Variants in NPAS3 observed in about 807,000 individuals in gnomAD.
The protein encoded by NPAS3 is neuronal PAS domain protein 3, also known as neuronal PAS domain-containing protein 3.
A neutral mutation model predicts 73.1 loss-of-function variants in NPAS3; 14 were observed. The ratio of observed to expected loss-of-function variants is 0.19; its 90% CI spans 0.13 to 0.30. The LOEUF (loss-of-function observed/expected upper bound fraction) is 0.30. Ranked by LOEUF, NPAS3 falls within the 10% of genes least tolerant of loss-of-function variation. The pLI is 1.00. For missense variants in NPAS3, 1,096 were observed against 1,250.0 expected (o/e 0.88, Z 1.86); for synonymous variants, 620 against 541.5 (o/e 1.14, Z -2.01).
At chr14:33,656,351 A>G (rs2059146068) in intron 5 of NPAS3, among the ~76,000 whole-genome samples, 1 of 152,200 alleles carries the variant, frequency 6.6e-6, no homozygotes, top group African/African-American at 2.4e-5. Flanking sequence ...TATGCCAGTC[A>G]CATTATTCAT....
intron 4 of NPAS3, among the ~76,000 whole-genome samples, chr14:33,517,741 C>A (rs1032967076): frequency 1.3e-5 from 2 of 152,070 alleles, no homozygotes; most frequent in African/African-American, 2.4e-5. Context: ...ATTAAATCAC[C>A]GTTACATACT....
At chr14:33,451,729 T>C (rs1246085137) in intron 4 of NPAS3, among the ~76,000 whole-genome samples, 2 of 152,198 alleles carry the variant, frequency 1.3e-5, no homozygotes, top group East Asian at 1.9e-4. Flanking sequence ...CATTTTCTTG[T>C]GCCCATTTTC....
Position 33,769,387 on chromosome 14 carries a change from G to C in NPAS3, c.853-4950G>C, listed in dbSNP as rs78109764. 7.6e-4 allele frequency among the ~76,000 whole-genome samples: 116 copies of C among 152,312 alleles called. 2 individuals are homozygous for C. In the East Asian group the frequency reaches 0.02, roughly 27 times the overall value. On this transcript the variant is annotated intron_variant, in intron 7 of 11. Transcript: ENST00000356141. ...TCTTTGTCTCCACTGGTTACCATTT[G>C]GTTACCATTTACCATTTAGTCTATT... is the stretch of plus-strand genomic sequence containing the variant.
intron 2 of NPAS3, among the ~76,000 whole-genome samples, chr14:33,125,850 A>T (rs191681621): frequency 1.2e-4 from 18 of 152,204 alleles, no homozygotes; most frequent in Non-Finnish European, 4.4e-5. Context: ...TTTTAGATAG[A>T]CTAGTTACTT....
chr14:33,040,687 T>G (rs889387338), intron 1 of NPAS3, among the ~76,000 whole-genome samples: 1 of 152,202 alleles, frequency 6.6e-6, no homozygotes, highest in African/African-American at 2.4e-5. Context: ...CCCAAGGTTG[T>G]GTTCTTAACC....
intron 2 of NPAS3, among the ~76,000 whole-genome samples, chr14:33,191,959 T>C (rs1003545101): frequency 6.6e-6 from 1 of 152,240 alleles, no homozygotes; most frequent in African/African-American, 2.4e-5. Flanking sequence ...GATGTGTGTG[T>C]GGTTTTTTTA....
At chr14:32,957,905 G>A (rs899984715) in intron 1 of NPAS3, among the ~76,000 whole-genome samples, 1 of 152,040 alleles carries the variant, frequency 6.6e-6, no homozygotes, top group Non-Finnish European at 1.5e-5. Flanking sequence ...TTTTTAGGAT[G>A]GGACATTTTG....
rs193162784 is a variant in NPAS3, at chr14:33,498,284, C to T, written c.469-61837C>T. Among the ~76,000 whole-genome samples the T allele has an allele frequency of 9.2e-4, 140 of 152,198 alleles. 1 individual carries two copies. The highest frequency in any genetic ancestry group is 3.2e-3 in the African/African-American group (134 of 41,544). ...TCCACCATTGTGGAAGACAGTGTGGCGATTCTTCAAGGACCTAGAACCAGA... is the reference window on the plus strand; with the variant it reads ...TCCACCATTGTGGAAGACAGTGTGGTGATTCTTCAAGGACCTAGAACCAGA... On this transcript the variant is annotated intron_variant, in intron 4 of 11. Transcript: ENST00000356141.
At position 32,941,191 on chromosome 14, in the gene NPAS3, CCCCCT is replaced by C. The variant is rs1238837850; in HGVS notation, c.50+1841_50+1845del. Among the ~76,000 whole-genome samples, 8 of 94,224 alleles carry C rather than the reference CCCCCT, an allele frequency of 8.5e-5. 1 individual carries two copies. The highest frequency in any genetic ancestry group is 3.4e-4 in the African/African-American group (8 of 23,232). 61.8% of individuals were successfully genotyped at this position (94,224 alleles called of 152,430 possible). On this transcript the variant is annotated intron_variant, in intron 1 of 11. Coordinates refer to ENST00000356141, the Ensembl canonical transcript of NPAS3. ...TCTGAGGTTTATAATTGGTTTTCTT[CCCCCT>C]CCCCTCCCCTCCCCTTCCCTCCTCC...
chr14:33,514,874 G>A (rs1595065214), intron 4 of NPAS3, among the ~76,000 whole-genome samples: 1 of 152,142 alleles, frequency 6.6e-6, no homozygotes, highest in East Asian at 1.9e-4. Context: ...TAAATCATCT[G>A]TAGAAAATAC....
intron 6 of NPAS3, among the ~76,000 whole-genome samples, chr14:33,729,162 AT>A (rs2061343058): frequency 1.3e-5 from 2 of 152,086 alleles, no homozygotes; most frequent in Non-Finnish European, 2.9e-5. Flanking sequence ...TCTTTTGCAA[AT>A]TTCCCATTTT....
At chr14:33,609,187 T>C (rs987570493) in intron 5 of NPAS3, among the ~76,000 whole-genome samples, 1 of 152,220 alleles carries the variant, frequency 6.6e-6, no homozygotes, top group Non-Finnish European at 1.5e-5. Flanking sequence ...GTGCTTTTTC[T>C]GTCCGAATTT....
intron 4 of NPAS3, among the ~76,000 whole-genome samples, chr14:33,554,928 G>A (rs140745648): frequency 2.2e-4 from 34 of 152,312 alleles, no homozygotes; most frequent in East Asian, 2.1e-3. Context: ...ACTGTTAGAA[G>A]CATTCAGCTT....
At chr14:33,668,337 G>T (rs943303289) in intron 5 of NPAS3, among the ~76,000 whole-genome samples, 2 of 152,074 alleles carry the variant, frequency 1.3e-5, no homozygotes, top group Non-Finnish European at 2.9e-5. Flanking sequence ...GCATTTTATT[G>T]TTTATTATTA....
At chr14:33,399,322 A>AT (rs1045965193) in intron 4 of NPAS3, among the ~76,000 whole-genome samples, 15 of 151,358 alleles carry the variant, frequency 9.9e-5, no homozygotes, top group Non-Finnish European at 2.1e-4. Context: ...CAAAGTGATC[A>AT]TTTTTTTTTC....
chr14:33,716,970 G>A (rs2060974346), intron 6 of NPAS3, among the ~76,000 whole-genome samples: 1 of 151,868 alleles, frequency 6.6e-6, no homozygotes, highest in African/African-American at 2.4e-5. Flanking sequence ...ATTTAAATGT[G>A]TTATAAAATG....
intron 2 of NPAS3, among the ~76,000 whole-genome samples, chr14:33,105,553 T>G (rs908085603): frequency 3.3e-5 from 5 of 152,152 alleles, no homozygotes; most frequent in Admixed American, 2.6e-4. Context: ...ACTAAATCTT[T>G]AAATTAGATT....
At chr14:33,631,104 G>A (rs890290336) in intron 5 of NPAS3, among the ~76,000 whole-genome samples, 2 of 152,138 alleles carry the variant, frequency 1.3e-5, no homozygotes, top group African/African-American at 4.8e-5. Context: ...GTTGTCCCTG[G>A]ACCAATACAA....
At position 33,051,236 on chromosome 14, in the gene NPAS3, T is replaced by G. The variant is rs370370044; in HGVS notation, c.51-4669T>G. On this transcript the variant is annotated intron_variant, in intron 1 of 11. Coordinates refer to ENST00000356141, the Ensembl canonical transcript of NPAS3. ...TTGCAGTGAGCCGAGATTGCGCCATTGCAGTCCGCAGTCCGGCCTGGGCAA... is the reference window on the plus strand; with the variant it reads ...TTGCAGTGAGCCGAGATTGCGCCATGGCAGTCCGCAGTCCGGCCTGGGCAA... Among the ~76,000 whole-genome samples the G allele has an allele frequency of 6.3e-5, 9 of 142,088 alleles. No individual in the cohort carries two copies. In the East Asian group the frequency reaches 1.3e-3, roughly 20 times the overall value. 93.2% of individuals were successfully genotyped at this position (142,088 alleles called of 152,430 possible).
Sources: gnomAD v4.1 joint callset for allele counts (sites outside exome capture counted in the v4.1 genomes callset) on GRCh38, gnomAD v4.1.1 for gene constraint, MANE v1.5 for transcripts, NCBI Gene and HGNC (gene_info 2026-07-23, HGNC 2026-07-21) for gene names.